PACRGL: variants seen among roughly 807,000 people sequenced by gnomAD.
PACRGL encodes the protein PACRG-like protein.
PACRGL carries 38 observed loss-of-function variants against 34.5 expected under a neutral mutation model. The ratio of observed to expected loss-of-function variants is 1.10; its 90% confidence interval spans 0.85 to 1.44. The LOEUF is 1.44. PACRGL is among the 40% of genes most tolerant of loss of function. The pLI is 0.00. For missense variants in PACRGL, 305 were observed against 281.4 expected (o/e 1.08, Z -0.60); for synonymous variants, 128 against 100.1 (o/e 1.28, Z -1.66).
At chr4:20,716,581 G>A (rs1213926133) in intron 7 of PACRGL, among the ~76,000 whole-genome samples, 3 of 152,144 alleles carry the variant, frequency 2.0e-5, no homozygotes, top group East Asian at 1.9e-4. Flanking sequence ...AGAACATGCC[G>A]TGTTTGGTTT....
Position 20,727,322 on chromosome 4 carries a change from A to G in PACRGL, c.728A>G (p.Tyr243Cys), listed in dbSNP as rs1297540660. The G allele has an allele frequency of 6.2e-7, 1 of 1,612,784 alleles. No individual in the cohort carries two copies. Among genetic ancestry groups the G allele is most frequent in the East Asian group, 2.2e-5 (1 of 44,782 alleles). ...ATCATCAAATCTAAAATTCCAACAT[A>G]CTGCTCCATATGCTGTTGAAGAAGG... ...LSIIKSKIPT[Y>C]CSICC Residue 243 changes from tyrosine (Y) to cysteine (C), a missense_variant, in exon 9 of 9, where the codon TAC becomes TGC. Coordinates refer to ENST00000503585, the MANE Select transcript of PACRGL (RefSeq NM_001258345.3).
chr4:20,713,312 G>A, intron 6 of PACRGL, 120 bp from the exon 7 acceptor site: 1 of 689,324 alleles, frequency 1.5e-6, no homozygotes, highest in Non-Finnish European at 2.4e-6. Context: ...TCTTCTGATT[G>A]TAGATGTTTA....
At chr4:20,759,580 C>T in the PACRGL span, among the ~76,000 whole-genome samples, 145 of 152,234 alleles carry the variant, frequency 9.5e-4, 1 homozygote, top group Non-Finnish European at 1.2e-3. Context: ...TGTTGGACAA[C>T]TGACCTGGAG....
chr4:20,727,506 C>T lies in PACRGL; in HGVS notation c.*165C>T, dbSNP rs1708134546. On this transcript the variant is annotated 3_prime_UTR_variant, in exon 9 of 9. Coordinates refer to ENST00000503585, the MANE Select transcript of PACRGL (RefSeq NM_001258345.3). ...AAAGTTATTCATCAACAAAAAAGAA[C>T]AGTTACTAATGGAAAGTTATTAAAA... is the stretch of plus-strand genomic sequence containing the variant. 5.5e-6 allele frequency: 3 copies of T among 546,594 alleles called. No individual in the cohort carries two copies. The highest frequency in any genetic ancestry group is 6.5e-5 in the South Asian group (2 of 30,742). The allele number at this position is 546,594 out of a possible 1,614,324, so 33.9% of individuals were successfully genotyped here. A position where few individuals can be genotyped will look rare whatever the true frequency, so the allele number is the denominator to read the frequency against.
Position 20,730,477 on chromosome 4 carries a change from C to T in PACRGL, c.*3136C>T, listed in dbSNP as rs941126091. On this transcript the variant is annotated 3_prime_UTR_variant, in exon 9 of 9. Transcript: ENST00000503585. Reference sequence around the variant, plus strand: ...CAAAGCAAATGAGAATTTTGGCATTCTATGTAGATCACAGGCCAAATCACA... The same window carrying T: ...CAAAGCAAATGAGAATTTTGGCATTTTATGTAGATCACAGGCCAAATCACA... 2.0e-5 allele frequency among the ~76,000 whole-genome samples: 3 copies of T among 151,838 alleles called. No homozygotes were observed. Among genetic ancestry groups the T allele is most frequent in the African/African-American group, 4.9e-5 (2 of 41,180 alleles).
intron 5 of PACRGL, 68 bp from the exon 6 acceptor site, chr4:20,712,720 A>T: frequency 1.5e-6 from 2 of 1,293,706 alleles, no homozygotes; most frequent in Non-Finnish European, 2.0e-6. Flanking sequence ...GCAAGTAAAG[A>T]CTCAATTTTT....
chr4:20,731,831 G>T lies in PACRGL; in HGVS notation c.*4490G>T. The T allele has an allele frequency of 1.0e-6, 1 of 985,362 alleles. No individual in the cohort carries two copies. The highest frequency in any genetic ancestry group is 1.2e-6 in the Non-Finnish European group (1 of 829,892). 61.0% of individuals were successfully genotyped at this position (985,362 alleles called of 1,614,324 possible). ...TGACTCAGTGGGCACTCTAAATGTT[G>T]ATTATGTAATTGGTGCTTGTTTTCA... On this transcript the variant is annotated 3_prime_UTR_variant, in exon 9 of 9. Coordinates refer to ENST00000503585, the MANE Select transcript of PACRGL (RefSeq NM_001258345.3).
At chr4:20,748,168 C>G (rs548191095) in intron 8 of PACRGL, among the ~76,000 whole-genome samples, 1 of 152,266 alleles carries the variant, frequency 6.6e-6, no homozygotes, top group East Asian at 1.9e-4. Context: ...ATAGTCCAAT[C>G]TCCTGCCTAA....
At position 20,731,125 on chromosome 4, in the gene PACRGL, A is replaced by T. The variant is rs1748049200; in HGVS notation, c.*3784A>T. Among the ~76,000 whole-genome samples the T allele has an allele frequency of 6.6e-6, 1 of 152,150 alleles. No individual in the cohort carries two copies. The highest frequency in any genetic ancestry group is 1.5e-5 in the Non-Finnish European group (1 of 68,034). Reference sequence around the variant, plus strand: ...GAGGCAGAGTCTATTTCTGTTGCCCATCATTCTGGAGTGCAGTGGCACAAT... The same window carrying T: ...GAGGCAGAGTCTATTTCTGTTGCCCTTCATTCTGGAGTGCAGTGGCACAAT... On this transcript the variant is annotated 3_prime_UTR_variant, in exon 9 of 9. Transcript: ENST00000503585.
chr4:20,745,591 T>C (rs1752247525), intron 8 of PACRGL, among the ~76,000 whole-genome samples: 1 of 152,192 alleles, frequency 6.6e-6, no homozygotes, highest in Admixed American at 6.5e-5. Flanking sequence ...GGAGGTTATA[T>C]CTGTTCCCTA....
At chr4:20,713,179 A>C in intron 6 of PACRGL, 2 of 542,448 alleles carry the variant, frequency 3.7e-6, no homozygotes, top group Non-Finnish European at 6.4e-6. Context: ...ATGAACCTCA[A>C]ATCAGCCTTT....
chr4:20,727,481 A>G lies in PACRGL; in HGVS notation c.*140A>G, dbSNP rs989540165. 19 of 609,134 alleles carry G rather than the reference A, an allele frequency of 3.1e-5. No homozygotes were observed. The African/African-American group carries it at 3.3e-4, about 11-fold the overall frequency. The allele number at this position is 609,134 out of a possible 1,614,324, so 37.7% of individuals were successfully genotyped here. ...GGTTAAGATGAATAGACACTGAATC[A>G]AAGTTATTCATCAACAAAAAAGAAC... On this transcript the variant is annotated 3_prime_UTR_variant, in exon 9 of 9. Coordinates refer to ENST00000503585, the MANE Select transcript of PACRGL (RefSeq NM_001258345.3).
downstream of PACRGL, chr4:20,752,997 C>T (rs1234157070): frequency 2.0e-5 from 3 of 152,162 alleles, no homozygotes; most frequent in Non-Finnish European, 4.4e-5. Context: ...TTCGTGATCA[C>T]ATTCCTTTAC....
chr4:20,717,695 C>G (rs1740806690), intron 7 of PACRGL, among the ~76,000 whole-genome samples: 2 of 152,086 alleles, frequency 1.3e-5, no homozygotes, highest in Non-Finnish European at 1.5e-5. Flanking sequence ...TGGTCAATAT[C>G]TCTGTTTAGG....
At chr4:20,722,331 C>G (rs529255818) in intron 7 of PACRGL, among the ~76,000 whole-genome samples, 9 of 152,296 alleles carry the variant, frequency 5.9e-5, no homozygotes, top group Admixed American at 3.9e-4. Flanking sequence ...TACCCGCTGT[C>G]CTGCACCCAC....
chr4:20,702,709 A>C (rs1002267778), intron 1 of PACRGL: 1 of 152,878 alleles, frequency 6.5e-6, no homozygotes, highest in Admixed American at 6.5e-5. Flanking sequence ...CACAATATTA[A>C]ATACTTGTTG....
chr4:20,713,586 A>G, intron 7 of PACRGL, 47 bp downstream of exon 7: 2 of 1,427,518 alleles, frequency 1.4e-6, no homozygotes, highest in Admixed American at 1.7e-5. Context: ...TGTATCATGC[A>G]CCATCCATAT....
chr4:20,758,549 A>G, the PACRGL span, among the ~76,000 whole-genome samples: 1 of 152,192 alleles, frequency 6.6e-6, no homozygotes, highest in Non-Finnish European at 1.5e-5. Context: ...GCACCCTCAT[A>G]ATAGTCAGAA....
In PACRGL at chr4:20,731,988, T is replaced by TA; in HGVS notation, c.*4648dup. On this transcript the variant is annotated 3_prime_UTR_variant, in exon 9 of 9. Transcript: ENST00000503585. ...TTATGATAGCTGAATTGATAGTTAT[T>TA]ACACTTTCATTACTTACTTTTTGGC... is the stretch of plus-strand genomic sequence containing the variant. The TA allele has an allele frequency of 6.2e-7, 1 of 1,612,820 alleles. No homozygotes were observed. Among genetic ancestry groups the TA allele is most frequent in the Non-Finnish European group, 8.5e-7 (1 of 1,179,518 alleles).
Sources: allele counts gnomAD v4.1 joint callset (sites outside exome capture counted in the v4.1 genomes callset), GRCh38; gene constraint gnomAD v4.1.1; transcripts MANE v1.5; gene names NCBI Gene and HGNC (gene_info 2026-07-23, HGNC 2026-07-21).